Variants in ATG2B observed in about 807,000 individuals in gnomAD.
ATG2B encodes the protein autophagy related 2B, also known as autophagy-related protein 2 homolog B.
A neutral mutation model predicts 241.3 loss-of-function variants in ATG2B; 121 were observed. That is an observed-to-expected ratio of 0.50 (90% CI 0.43 to 0.58). ATG2B has a LOEUF of 0.58. Ranked by LOEUF, ATG2B falls within the 20% of genes least tolerant of loss-of-function variation. ATG2B has a pLI of 0.00. For missense variants in ATG2B, 2,306 were observed against 2,491.6 expected, an observed-to-expected ratio of 0.93 and a Z score of 1.59; for synonymous variants, 858 against 876.6, an observed-to-expected ratio of 0.98 and a Z score of 0.37.
intron 19 of ATG2B, 101 bp downstream of exon 19, chr14:96,317,597 C>A: frequency 1.9e-6 from 2 of 1,060,202 alleles, no homozygotes. Context: ...AATATAGTTA[C>A]AATGAAACAT....
chr14:96,286,938 C>T (rs181212385), intron 41 of ATG2B, among the ~76,000 whole-genome samples: 38 of 152,110 alleles, frequency 2.5e-4, no homozygotes, highest in Admixed American at 1.0e-3. Context: ...CTGGCAAAAA[C>T]GTAATACCAC....
chr14:96,285,430 T>C lies in ATG2B; in HGVS notation c.*325A>G. 3.4e-6 allele frequency: 1 copy of C among 297,148 alleles called. No individual in the cohort carries two copies. Among genetic ancestry groups the C allele is most frequent in the East Asian group, 7.3e-5 (1 of 13,722 alleles). The allele number at this position is 297,148 out of a possible 1,614,324, so 18.4% of individuals were successfully genotyped here. On this transcript the variant is annotated 3_prime_UTR_variant, in exon 42 of 42. Transcript: ENST00000359933. This position sits in a 1 kb window ranked among gnomAD's most constrained non-coding sequence, Gnocchi z 4.2. The stretch of plus-strand genomic sequence containing the variant: ...CAACTCCACAGAGCTACACAAAGTG[T>C]TAGAAGGCAGCTTCCAATGATCTCT...
intron 21 of ATG2B, 88 bp downstream of exon 21, chr14:96,316,445 A>G (rs1168922910): frequency 3.0e-6 from 4 of 1,331,774 alleles, no homozygotes; most frequent in Non-Finnish European, 4.2e-6. Flanking sequence ...TTCTAATACC[A>G]AAGTTCTGTT....
chr14:96,331,620 C>A lies in ATG2B; in HGVS notation c.1486G>T (p.Val496Phe). The A allele has an allele frequency of 6.2e-7, 1 of 1,611,768 alleles. No homozygotes were observed. The highest frequency in any genetic ancestry group is 1.3e-5 in the African/African-American group (1 of 74,886). The change falls in exon 11 of 42, where the codon GTT becomes TTT. Residue 496 changes from valine (V) to phenylalanine (F), a missense_variant. Around this residue, in one of 2 missense-constraint regions of ATG2B, gnomAD observed 1,927 missense variants for 2,011.2 expected, o/e 0.96. Coordinates refer to ENST00000359933, the MANE Select transcript of ATG2B (RefSeq NM_018036.7). Reference protein sequence around the residue: ...LQKTSLPSRSVSVDESRPELI... With the variant: ...LQKTSLPSRSFSVDESRPELI... ...TCAGGCCTTGATTCATCCACTGAAACAGATCTAGATGGGAGAGCTAAAATA... is the reference window on the plus strand; with the variant it reads ...TCAGGCCTTGATTCATCCACTGAAAAAGATCTAGATGGGAGAGCTAAAATA...
rs199803616 is a variant in ATG2B at position 96,305,720 on chromosome 14, C to T, written c.4602G>A (p.Thr1534=). 463 of 1,614,122 alleles carry T rather than the reference C, an allele frequency of 2.9e-4. 8 individuals are homozygous for T. The South Asian group carries it at 4.8e-3, about 17-fold the overall frequency. Residue 1534 remains threonine, a synonymous_variant, in exon 31 of 42, where the codon ACG becomes ACA. Transcript: ENST00000359933. ...YFSLPVNKTD[T]SKAPLHFPIP... is the part of the protein sequence containing the mutation. ...TGGGAAAGTGTAAGGGGGCTTTGCT[C>T]GTATCGGTCTTATTAACGGGCAGAC...
Position 96,307,015 on chromosome 14 carries a change from C to T in ATG2B, c.4304-99G>A, listed in dbSNP as rs879177262. The T allele has an allele frequency of 3.4e-5, 32 of 954,358 alleles. No homozygotes were observed. In the Admixed American group the frequency reaches 7.9e-4, roughly 23 times the overall value. The allele number at this position is 954,358 out of a possible 1,614,324, so 59.1% of individuals were successfully genotyped here. On this transcript the variant is annotated intron_variant, in intron 29 of 41. Coordinates refer to ENST00000359933, the MANE Select transcript of ATG2B (RefSeq NM_018036.7). ...GATATATGTTGTGTGCTTTTACCTG[C>T]AATATCTCATTTATTTCCTAAAATA...
chr14:96,301,966 A>T, intron 34 of ATG2B, 41 bp downstream of exon 34: 1 of 1,416,568 alleles, frequency 7.1e-7, no homozygotes, highest in Non-Finnish European at 9.9e-7. Flanking sequence ...CATGCAGTCT[A>T]ATCTAACTGT....
chr14:96,301,190 GATTT>G (rs1229362725), intron 34 of ATG2B, among the ~76,000 whole-genome samples: 5 of 152,120 alleles, frequency 3.3e-5, no homozygotes, highest in Non-Finnish European at 5.9e-5. Context: ...TTCACACACT[GATTT>G]ATTTAATCTT....
chr14:96,333,237 G>A (rs1356651743), intron 8 of ATG2B, among the ~76,000 whole-genome samples: 1 of 152,024 alleles, frequency 6.6e-6, no homozygotes, highest in Non-Finnish European at 1.5e-5. Flanking sequence ...ACCTATAAAT[G>A]TAAAGTAAGC....
chr14:96,358,063 C>CT lies in ATG2B; in HGVS notation c.162+4751_162+4752insA, dbSNP rs201140375. ...CTCTTCTCAGTAAACACCAAGTTTT[C>CT]GTCCCAATTTTGTGGCAGAGAAGTT... On this transcript the variant is annotated intron_variant, in intron 1 of 41. Transcript: ENST00000359933. Among the ~76,000 whole-genome samples the CT allele has an allele frequency of 5.4e-3, 821 of 152,294 alleles. 27 individuals are homozygous for CT. In the South Asian group the frequency reaches 0.067, roughly 12 times the overall value.
At chr14:96,309,320 G>T (rs1887085954) in intron 29 of ATG2B, 133 bp downstream of exon 29, 3 of 1,138,368 alleles carry the variant, frequency 2.6e-6, no homozygotes, top group Non-Finnish European at 3.7e-6. Flanking sequence ...GTAGACACAA[G>T]CTGAATGATT....
At chr14:96,293,373 T>A (rs1054781811) in intron 36 of ATG2B, among the ~76,000 whole-genome samples, 1 of 152,220 alleles carries the variant, frequency 6.6e-6, no homozygotes, top group East Asian at 1.9e-4. Flanking sequence ...TGGCACATAT[T>A]AATAGGACAA....
In ATG2B at chr14:96,295,185, A is replaced by G; in HGVS notation, c.5219-18T>C. ...CTTTTTAACTGAAAATGTAATGTGC[A>G]TGTTTGAAAAATTAGATATGCTTCT... On this transcript the variant is annotated intron_variant, in intron 35 of 41. Transcript: ENST00000359933. 1.3e-6 allele frequency: 2 copies of G among 1,595,820 alleles called. No homozygotes were observed. Among genetic ancestry groups the G allele is most frequent in the East Asian group, 2.2e-5 (1 of 44,710 alleles).
At chr14:96,322,449 A>G (rs1887483843) in intron 17 of ATG2B, 91 bp downstream of exon 17, 4 of 1,394,196 alleles carry the variant, frequency 2.9e-6, no homozygotes, top group South Asian at 2.9e-5. Flanking sequence ...AACAGTACAC[A>G]AGGCATTTTT....
In ATG2B at chr14:96,305,679, T is replaced by C. The variant is rs752890973; in HGVS notation, c.4643A>G (p.Tyr1548Cys). 2.1e-5 allele frequency: 34 copies of C among 1,614,050 alleles called. No individual in the cohort carries two copies. The highest frequency in any genetic ancestry group is 2.5e-5 in the Non-Finnish European group (30 of 1,180,024). The change falls in exon 31 of 42, where the codon TAT becomes TGT. Residue 1548 changes from tyrosine to cysteine, a missense_variant. By Grantham distance (194) the Tyr-to-Cys change is radical. Transcript: ENST00000359933. ...PLHFPIPVIRYVVKEVSLVWH... is the reference protein window; with the variant it reads ...PLHFPIPVIRCVVKEVSLVWH... ...GACAAGAGAGACCTCCTTCACCACA[T>C]AGCGAATCACAGGAATGGGAAAGTG...
rs1886436543 is a variant in ATG2B at position 96,289,842 on chromosome 14, A to G, written c.5857-37T>C. On this transcript the variant is annotated intron_variant, in intron 40 of 41. Transcript: ENST00000359933. This position sits in a 1 kb window ranked among gnomAD's most constrained non-coding sequence, Gnocchi z 4.3. Reference sequence around the variant, plus strand: ...TGTCAAAAGGAAGAAATGAATTAGAAGAAAGTCTGAAGAGTTACGGACCAG... The same window carrying G: ...TGTCAAAAGGAAGAAATGAATTAGAGGAAAGTCTGAAGAGTTACGGACCAG... 1.2e-6 allele frequency: 2 copies of G among 1,611,784 alleles called. No homozygotes were observed. Among genetic ancestry groups the G allele is most frequent in the Non-Finnish European group, 1.7e-6 (2 of 1,178,582 alleles).
Position 96,294,991 on chromosome 14 carries a change from C to T in ATG2B, c.5395G>A (p.Ala1799Thr), listed in dbSNP as rs774312230. The T allele has an allele frequency of 6.8e-6, 11 of 1,614,182 alleles. No homozygotes were observed. Among genetic ancestry groups the T allele is most frequent in the South Asian group, 1.1e-5 (1 of 91,078 alleles). ...MEEKNFSAEE[A>T]SFRDQPVFFR... ...AACACAGGCTGATCCCTAAAAGATG[C>T]TTCTTCAGCAGAGAAGTTCTTCTCT... Residue 1799 changes from alanine to threonine, a missense_variant, in exon 36 of 42, where the codon GCA becomes ACA. By Grantham distance (58) the Ala-to-Thr change is moderately conservative. Transcript: ENST00000359933.
intron 29 of ATG2B, among the ~76,000 whole-genome samples, chr14:96,308,445 A>C (rs1212095137): frequency 2.8e-5 from 4 of 142,486 alleles, no homozygotes; most frequent in African/African-American, 1.0e-4. Flanking sequence ...GCCTGCCAAC[A>C]CATCCCACAT....
chr14:96,352,128 T>C lies in ATG2B; in HGVS notation c.163-4787A>G, dbSNP rs545131043. ...GGATAGTGGTCCTGTAAGATTATAA[T>C]GGAGCTGAAAAATTCCTATCACCTT... On this transcript the variant is annotated intron_variant, in intron 1 of 41. Coordinates refer to ENST00000359933, the MANE Select transcript of ATG2B (RefSeq NM_018036.7). Among the ~76,000 whole-genome samples the C allele has an allele frequency of 2.0e-5, 3 of 152,248 alleles. No homozygotes were observed. In the South Asian group the frequency reaches 6.2e-4, roughly 32 times the overall value.
Sources: gnomAD v4.1 joint callset for allele counts (sites outside exome capture counted in the v4.1 genomes callset) on GRCh38, gnomAD v4.1.1 for gene constraint, gnomAD v4.1.1 regional missense constraint, Gnocchi (gnomAD v3.1) non-coding constraint, MANE v1.5 for transcripts, NCBI Gene and HGNC (gene_info 2026-07-23, HGNC 2026-07-21) for gene names.